GSK3B: variants seen among roughly 807,000 people sequenced by gnomAD.
GSK3B encodes the protein glycogen synthase kinase 3 beta.
A neutral mutation model predicts 56.4 loss-of-function variants in GSK3B; 15 were observed. The observed-to-expected ratio is 0.27, with a 90% CI of 0.18 to 0.41. GSK3B has a LOEUF of 0.41. Ranked by LOEUF, GSK3B falls within the 10% of genes least tolerant of loss-of-function variation. GSK3B has a pLI of 1.00. For synonymous variants in GSK3B, 181 were observed against 188.9 expected, an observed-to-expected ratio of 0.96 and a Z score of 0.34; for missense variants, 300 against 513.4, an observed-to-expected ratio of 0.58 and a Z score of 4.02.
At chr3:119,919,540 A>T (rs559467471) in intron 4 of GSK3B, among the ~76,000 whole-genome samples, 1 of 151,986 alleles carries the variant, frequency 6.6e-6, no homozygotes, top group South Asian at 2.1e-4. Flanking sequence ...AAGAAAAAAA[A>T]AAAAAAGAAA....
At chr3:119,980,592 A>T (rs965388010) in intron 2 of GSK3B, among the ~76,000 whole-genome samples, 4 of 152,196 alleles carry the variant, frequency 2.6e-5, no homozygotes, top group African/African-American at 9.7e-5. Context: ...AACCTCAGGT[A>T]ACCCACCCGT....
Position 119,981,912 on chromosome 3 carries a change from T to A in GSK3B, c.282+20134A>T, listed in dbSNP as rs200481011. On this transcript the variant is annotated intron_variant, in intron 2 of 10. Transcript: ENST00000264235. ...TCCACAAGTGGGTCCCTGACCCCCG[T>A]ATAGCCTAACTGGGAGATACCTCCC... 1.4e-3 allele frequency among the ~76,000 whole-genome samples: 210 copies of A among 152,276 alleles called. 1 individual carries two copies. The East Asian group carries it at 0.028, about 21-fold the overall frequency.
chr3:119,916,945 A>G (rs1310755465), intron 4 of GSK3B, among the ~76,000 whole-genome samples: 2 of 152,170 alleles, frequency 1.3e-5, no homozygotes, highest in East Asian at 3.8e-4. Context: ...CAGACTCTTG[A>G]CTGGAGGAGA....
chr3:120,057,891 CAG>C (rs1393460101), intron 1 of GSK3B, among the ~76,000 whole-genome samples: 3 of 152,010 alleles, frequency 2.0e-5, no homozygotes, highest in African/African-American at 4.8e-5. Context: ...CTCCAGCTCT[CAG>C]AGAGTCAGAA....
intron 10 of GSK3B, among the ~76,000 whole-genome samples, chr3:119,828,919 G>C (rs916328525): frequency 6.6e-6 from 1 of 152,134 alleles, no homozygotes; most frequent in African/African-American, 2.4e-5. Flanking sequence ...TATGGCATCA[G>C]AATCCACACA....
intron 8 of GSK3B, among the ~76,000 whole-genome samples, chr3:119,868,923 C>A (rs2056216176): frequency 6.6e-6 from 1 of 152,006 alleles, no homozygotes; most frequent in South Asian, 2.1e-4. Flanking sequence ...GAGACAATGC[C>A]ATGGATTGTT....
intron 3 of GSK3B, among the ~76,000 whole-genome samples, chr3:119,928,391 G>GT (rs1383461385): frequency 6.6e-6 from 1 of 151,892 alleles, no homozygotes; most frequent in East Asian, 1.9e-4. Context: ...GGATCATGAG[G>GT]TCAGGAGATC....
chr3:119,822,502 G>A lies in GSK3B; in HGVS notation c.*4286C>T, dbSNP rs1286020204. ...CAAGCTAACCCCTTATGTACTGGTT[G>A]TCATTTTGCTTTTATTGCAGAGGTG... On this transcript the variant is annotated 3_prime_UTR_variant, in exon 11 of 11. Coordinates refer to ENST00000264235, the MANE Select transcript of GSK3B (RefSeq NM_001146156.2). 8.8e-6 allele frequency: 2 copies of A among 226,058 alleles called. No individual in the cohort carries two copies. The highest frequency in any genetic ancestry group is 5.7e-5 in the Admixed American group (1 of 17,530). 14.0% of individuals were successfully genotyped at this position (226,058 alleles called of 1,614,324 possible).
At chr3:119,827,570 G>GT (rs542511094) in intron 10 of GSK3B, among the ~76,000 whole-genome samples, 127 of 104,576 alleles carry the variant, frequency 1.2e-3, no homozygotes, top group Admixed American at 4.6e-3. Flanking sequence ...GGGAGACACA[G>GT]TAAGATACCG....
At chr3:119,889,661 A>G (rs1204980171) in intron 7 of GSK3B, among the ~76,000 whole-genome samples, 2 of 152,154 alleles carry the variant, frequency 1.3e-5, no homozygotes, top group Non-Finnish European at 2.9e-5. Context: ...GGATGAAAGG[A>G]AAACAAATAC....
In GSK3B at chr3:119,967,648, T is replaced by C. The variant is rs543993600; in HGVS notation, c.283-20297A>G. Among the ~76,000 whole-genome samples, 5 of 152,216 alleles carry C rather than the reference T, an allele frequency of 3.3e-5. No individual in the cohort carries two copies. The South Asian group carries it at 8.3e-4, about 25-fold the overall frequency. On this transcript the variant is annotated intron_variant, in intron 2 of 10. Coordinates refer to ENST00000264235, the MANE Select transcript of GSK3B (RefSeq NM_001146156.2). ...TCAACACAATTCTATAACAAAAGAA[T>C]AGATTTTTCAACAAATGAAGCTTTG... is the stretch of plus-strand genomic sequence containing the variant.
chr3:119,831,530 G>A (rs1037307373), intron 10 of GSK3B, among the ~76,000 whole-genome samples: 2 of 151,672 alleles, frequency 1.3e-5, no homozygotes, highest in Non-Finnish European at 2.9e-5. Flanking sequence ...AGTGGCGGGC[G>A]CCTGTAGTCC....
At chr3:119,908,842 T>C (rs769989867) in intron 6 of GSK3B, among the ~76,000 whole-genome samples, 4 of 152,174 alleles carry the variant, frequency 2.6e-5, no homozygotes, top group Non-Finnish European at 4.4e-5. Flanking sequence ...ACAAAGGAAA[T>C]GGTGGGTAAA....
chr3:120,046,501 T>A (rs1016992688), intron 1 of GSK3B, among the ~76,000 whole-genome samples: 10 of 152,226 alleles, frequency 6.6e-5, no homozygotes, highest in African/African-American at 2.4e-4. Context: ...ACAGTCTCTT[T>A]TCTTAAAAAG....
chr3:119,962,366 ACT>A (rs1374177977), intron 2 of GSK3B, among the ~76,000 whole-genome samples: 1 of 137,038 alleles, frequency 7.3e-6, no homozygotes, highest in Non-Finnish European at 1.6e-5. Context: ...CAAGAGTGAA[ACT>A]CTGTCTCAAA....
chr3:119,977,207 A>G (rs780148078), intron 2 of GSK3B, among the ~76,000 whole-genome samples: 23 of 152,200 alleles, frequency 1.5e-4, no homozygotes, highest in African/African-American at 5.1e-4. Context: ...AGAAACTATA[A>G]AAGCAGCATA....
At chr3:120,068,690 GC>G (rs1266715165) in intron 1 of GSK3B, among the ~76,000 whole-genome samples, 1 of 151,524 alleles carries the variant, frequency 6.6e-6, no homozygotes, top group Non-Finnish European at 1.5e-5. Flanking sequence ...ACAGAGTGAG[GC>G]CCTGTCTCAA....
At chr3:120,075,305 T>G (rs1238658546) in intron 1 of GSK3B, among the ~76,000 whole-genome samples, 1 of 152,136 alleles carries the variant, frequency 6.6e-6, no homozygotes, top group Non-Finnish European at 1.5e-5. Context: ...GAACTTTTCC[T>G]CTAAGACCTG....
chr3:119,895,233 A>ATGT (rs1319514808), intron 7 of GSK3B, among the ~76,000 whole-genome samples: 2 of 152,168 alleles, frequency 1.3e-5, no homozygotes, highest in Non-Finnish European at 2.9e-5. Flanking sequence ...AGGTTCACCC[A>ATGT]TGTTGTCACA....
Sources: gnomAD v4.1 joint callset for allele counts (sites outside exome capture counted in the v4.1 genomes callset) on GRCh38, gnomAD v4.1.1 for gene constraint, MANE v1.5 for transcripts, NCBI Gene and HGNC (gene_info 2026-07-23, HGNC 2026-07-21) for gene names.